Variants in EPB41L2 observed in about 807,000 individuals in gnomAD.
EPB41L2 encodes band 4.1-like protein 2.
A neutral mutation model predicts 113.0 loss-of-function variants in EPB41L2; 43 were observed. That is an observed-to-expected ratio of 0.38 (90% CI 0.30 to 0.49). The LOEUF (loss-of-function observed/expected upper bound fraction) is 0.49. Among genes scored for constraint, EPB41L2 ranks in the 20% least tolerant of loss-of-function variants. EPB41L2 has a pLI of 0.95. For synonymous variants in EPB41L2, 442 were observed against 436.7 expected (o/e 1.01, Z -0.15); for missense variants, 1,147 against 1,223.4 (o/e 0.94, Z 0.93).
chr6:130,967,808 T>A (rs748520805), intron 1 of EPB41L2, among the ~76,000 whole-genome samples: 1 of 152,244 alleles, frequency 6.6e-6, no homozygotes, highest in Non-Finnish European at 1.5e-5. Context: ...TAGCACAGTG[T>A]TTGCATCCAG....
intron 1 of EPB41L2, among the ~76,000 whole-genome samples, chr6:131,048,917 A>C (rs1033139862): frequency 3.3e-4 from 50 of 152,182 alleles, no homozygotes; most frequent in African/African-American, 1.2e-3. Context: ...AAAAGTCCTT[A>C]AAAAAATGCC....
intron 1 of EPB41L2, 123 bp downstream of exon 1, chr6:131,063,032 T>C: frequency 6.6e-6 from 1 of 152,602 alleles, no homozygotes; most frequent in Non-Finnish European, 1.5e-5. Flanking sequence ...CGCCACCGCT[T>C]CCTGCCCGGA....
chr6:130,917,782 C>G (rs1353268310), intron 4 of EPB41L2, among the ~76,000 whole-genome samples: 2 of 152,128 alleles, frequency 1.3e-5, no homozygotes, highest in East Asian at 3.8e-4. Context: ...CCAAAAAAAT[C>G]TATCTCATTC....
intron 1 of EPB41L2, among the ~76,000 whole-genome samples, chr6:131,001,663 A>T (rs916562468): frequency 3.3e-5 from 5 of 152,188 alleles, no homozygotes; most frequent in Non-Finnish European, 7.3e-5. Context: ...AATGACATTC[A>T]GAATTAATCC....
chr6:130,975,451 G>A (rs774842190), intron 1 of EPB41L2, among the ~76,000 whole-genome samples: 7 of 152,182 alleles, frequency 4.6e-5, no homozygotes, highest in Non-Finnish European at 8.8e-5. Context: ...CCTACTTTAT[G>A]AGGACAAAGA....
chr6:130,994,971 C>T (rs964516658), intron 1 of EPB41L2, among the ~76,000 whole-genome samples: 5 of 133,764 alleles, frequency 3.7e-5, no homozygotes, highest in African/African-American at 2.1e-4. Flanking sequence ...AGTTGTCCCA[C>T]CCCACCTTTC....
At chr6:130,901,260 T>C in intron 6 of EPB41L2, 80 bp from the exon 7 acceptor site, 1 of 1,259,364 alleles carries the variant, frequency 7.9e-7, no homozygotes, top group East Asian at 2.4e-5. Flanking sequence ...TAAAAGCTAG[T>C]ACCCCTTTGA....
At chr6:130,869,507 T>C (rs1784944147) in intron 15 of EPB41L2, 56 bp downstream of exon 15, 11 of 1,488,684 alleles carry the variant, frequency 7.4e-6, no homozygotes, top group South Asian at 2.5e-5. Flanking sequence ...AAGGCAGGAG[T>C]TCCCCATCTG....
chr6:131,062,126 C>A (rs1484117459), intron 1 of EPB41L2, among the ~76,000 whole-genome samples: 9 of 151,956 alleles, frequency 5.9e-5, no homozygotes, highest in Non-Finnish European at 1.3e-4. Flanking sequence ...GGGCTCCATA[C>A]GCAGACCCCT....
intron 1 of EPB41L2, among the ~76,000 whole-genome samples, chr6:131,057,430 A>T (rs1313032308): frequency 1.3e-5 from 2 of 152,228 alleles, no homozygotes; most frequent in Non-Finnish European, 2.9e-5. Context: ...TCTGGACAAA[A>T]AGAGAAAGAA....
At chr6:130,906,534 C>G (rs1797779512) in intron 5 of EPB41L2, among the ~76,000 whole-genome samples, 1 of 151,948 alleles carries the variant, frequency 6.6e-6, no homozygotes, top group African/African-American at 2.4e-5. Context: ...TAATTTTTAC[C>G]TAGCTGTTTA....
At chr6:130,875,395 G>T (rs1177025399) in intron 14 of EPB41L2, among the ~76,000 whole-genome samples, 2 of 152,128 alleles carry the variant, frequency 1.3e-5, no homozygotes, top group Non-Finnish European at 2.9e-5. Flanking sequence ...CAAACTGTTA[G>T]CATGGCCTTT....
intron 14 of EPB41L2, among the ~76,000 whole-genome samples, chr6:130,871,681 A>G (rs1308247197): frequency 6.6e-6 from 1 of 152,380 alleles, no homozygotes; most frequent in East Asian, 1.9e-4. Context: ...AAATCACATT[A>G]CTAACAGAAG....
At chr6:131,003,667 AT>A (rs1784843501) in intron 1 of EPB41L2, among the ~76,000 whole-genome samples, 1 of 152,172 alleles carries the variant, frequency 6.6e-6, no homozygotes, top group Non-Finnish European at 1.5e-5. Flanking sequence ...CTGGAACTGT[AT>A]GGTTTTCAAA....
intron 15 of EPB41L2, chr6:130,868,308 C>G (rs1402619642): frequency 2.6e-5 from 4 of 152,278 alleles, no homozygotes; most frequent in Non-Finnish European, 1.5e-5. Flanking sequence ...TTAAAATGCT[C>G]TATCTAAAAT....
chr6:130,985,915 C>T (rs1780440439), intron 1 of EPB41L2, among the ~76,000 whole-genome samples: 1 of 152,054 alleles, frequency 6.6e-6, no homozygotes, highest in African/African-American at 2.4e-5. Flanking sequence ...GTACAACCAG[C>T]ACCACAAACA....
intron 5 of EPB41L2, among the ~76,000 whole-genome samples, chr6:130,905,573 G>A (rs958682827): frequency 3.3e-5 from 5 of 151,852 alleles, no homozygotes; most frequent in Admixed American, 6.6e-5. Flanking sequence ...CATGCGCTAC[G>A]ATGTCCGGCT....
At chr6:130,868,824 G>A (rs1334690) in intron 15 of EPB41L2, 3,876 of 152,300 alleles carry the variant, frequency 0.025, 169 homozygotes, top group African/African-American at 0.089. Flanking sequence ...CATGTCCAAT[G>A]TATAGATAAT....
chr6:130,881,413 G>A (rs1019179263), intron 12 of EPB41L2: 1 of 151,996 alleles, frequency 6.6e-6, no homozygotes, highest in East Asian at 1.9e-4. Context: ...CCAACTCCTT[G>A]GTCAACATTT....
Sources: gnomAD v4.1 joint callset for allele counts (sites outside exome capture counted in the v4.1 genomes callset) on GRCh38, gnomAD v4.1.1 for gene constraint, MANE v1.5 for transcripts, NCBI Gene and HGNC (gene_info 2026-07-23, HGNC 2026-07-21) for gene names.